NOTUM: variants seen among roughly 807,000 people sequenced by gnomAD.
NOTUM encodes palmitoleoyl-protein carboxylesterase NOTUM.
Under a neutral mutation model 65.5 loss-of-function variants are expected in NOTUM, and 36 were observed. That is an observed-to-expected ratio of 0.55 (90% confidence interval 0.42 to 0.73). NOTUM has a LOEUF of 0.73. Ranked by LOEUF, NOTUM falls within the 30% of genes least tolerant of loss-of-function variation. NOTUM has a pLI of 0.00. For missense variants in NOTUM, 659 were observed against 694.2 expected, an observed-to-expected ratio of 0.95 and a Z score of 0.57; for synonymous variants, 356 against 297.9, an observed-to-expected ratio of 1.20 and a Z score of -2.01.
At position 81,952,697 on chromosome 17, in the gene NOTUM, G is replaced by GGTCGC; in HGVS notation, c.*263_*264insGCGAC. On this transcript the variant is annotated 3_prime_UTR_variant, in exon 11 of 11. Transcript: ENST00000409678. The stretch of plus-strand genomic sequence containing the variant: ...GAGCTGGTGGACTGAGGAATCCAGT[G>GGTCGC]CTTCTCTTCTGGCTACCCCCTCGTT... 3.6e-6 allele frequency: 2 copies of GGTCGC among 550,924 alleles called. No homozygotes were observed. Among genetic ancestry groups the GGTCGC allele is most frequent in the Non-Finnish European group, 6.5e-6 (2 of 309,936 alleles). 34.1% of individuals were successfully genotyped at this position (550,924 alleles called of 1,614,324 possible).
chr17:81,959,117 G>A (rs575843038), intron 3 of NOTUM, 122 bp from the exon 4 acceptor site: 18 of 842,128 alleles, frequency 2.1e-5, no homozygotes, highest in Middle Eastern at 2.7e-4. Context: ...TGCTGGTGTT[G>A]CTAGCCCGAA....
intron 10 of NOTUM, among the ~76,000 whole-genome samples, chr17:81,953,810 A>C (rs1598366788): frequency 7.7e-5 from 10 of 129,424 alleles, no homozygotes; most frequent in Non-Finnish European, 1.1e-4. Flanking sequence ...ATGGAGTTTC[A>C]CTCTTGTTGC....
Position 81,956,624 on chromosome 17 carries a change from T to G in NOTUM, c.988+26A>C, listed in dbSNP as rs368557190. On this transcript the variant is annotated intron_variant, in intron 8 of 10. Coordinates refer to ENST00000409678, the MANE Select transcript of NOTUM (RefSeq NM_178493.6). Reference sequence around the variant, plus strand: ...AAGTGTGGCCACCCCTGCTGCCCTGTGTGCTCCGCTCTGCCGCCCACTCAC... The same window carrying G: ...AAGTGTGGCCACCCCTGCTGCCCTGGGTGCTCCGCTCTGCCGCCCACTCAC... The G allele has an allele frequency of 1.1e-5, 16 of 1,505,220 alleles. No homozygotes were observed. In the African/African-American group the frequency reaches 1.9e-4, roughly 18 times the overall value. 93.2% of individuals were successfully genotyped at this position (1,505,220 alleles called of 1,614,324 possible). A position where few individuals can be genotyped will look rare whatever the true frequency, so the allele number is the denominator to read the frequency against.
Position 81,960,814 on chromosome 17 carries a change from C to T in NOTUM, c.96G>A (p.Gln32=). The T allele has an allele frequency of 2.0e-6, 3 of 1,534,828 alleles. No individual in the cohort carries two copies. Among genetic ancestry groups the T allele is most frequent in the Non-Finnish European group, 2.6e-6 (3 of 1,142,608 alleles). ...CCTCGGTCCGCGGGGGAGGAGGCGG[C>T]TGCTGACCCCGGCGCCGCCAGGTCT... ...GRKTWRRRGQ[Q]PPPPPRTEAA... is the part of the protein sequence containing the mutation. Residue 32 remains glutamine, a synonymous_variant, in exon 1 of 11, where the codon CAG becomes CAA. Coordinates refer to ENST00000409678, the MANE Select transcript of NOTUM (RefSeq NM_178493.6). This position sits in a 1 kb window ranked among gnomAD's most constrained non-coding sequence, Gnocchi z 6.4.
At chr17:81,953,884 C>T (rs1002268202) in intron 10 of NOTUM, among the ~76,000 whole-genome samples, 4 of 151,644 alleles carry the variant, frequency 2.6e-5, no homozygotes, top group Non-Finnish European at 5.9e-5. Context: ...CAGGTTCAAG[C>T]GATTCTCCTG....
At chr17:81,955,585 G>A (rs753833314) in intron 8 of NOTUM, 41 bp from the exon 9 acceptor site, 25 of 748,486 alleles carry the variant, frequency 3.3e-5, no homozygotes, top group South Asian at 2.0e-4. Context: ...CCTGACCCCC[G>A]CTGCTGCCCC....
chr17:81,957,085 G>A lies in NOTUM; in HGVS notation c.696-11C>T. On this transcript the variant is annotated splice_polypyrimidine_tract_variant and intron_variant, in intron 6 of 10. Transcript: ENST00000409678. Reference sequence around the variant, plus strand: ...CCGGTGCCCCCCGCGCTGCAAGGAGGGCCAGACGTGAGGCCAGGTGGCTGG... The same window carrying A: ...CCGGTGCCCCCCGCGCTGCAAGGAGAGCCAGACGTGAGGCCAGGTGGCTGG... The A allele has an allele frequency of 1.3e-6, 2 of 1,589,118 alleles. No individual in the cohort carries two copies. Among genetic ancestry groups the A allele is most frequent in the Non-Finnish European group, 1.7e-6 (2 of 1,171,554 alleles).
Position 81,960,535 on chromosome 17 carries a change from C to A in NOTUM, c.323+52G>T. On this transcript the variant is annotated intron_variant, in intron 1 of 10. Coordinates refer to ENST00000409678, the MANE Select transcript of NOTUM (RefSeq NM_178493.6). This position sits in a 1 kb window ranked among gnomAD's most constrained non-coding sequence, Gnocchi z 6.4. ...CCGCGGCCCGCAGGGAAGGTCCAGC[C>A]GGAGACCGGGCGCGTCGGGCGGGGC... The A allele has an allele frequency of 7.7e-7, 1 of 1,300,048 alleles. No homozygotes were observed. Among genetic ancestry groups the A allele is most frequent in the Non-Finnish European group, 1.0e-6 (1 of 969,586 alleles). 80.5% of individuals were successfully genotyped at this position (1,300,048 alleles called of 1,614,324 possible).
chr17:81,954,019 C>T (rs1598366834), intron 10 of NOTUM, among the ~76,000 whole-genome samples: 1 of 152,002 alleles, frequency 6.6e-6, no homozygotes, highest in East Asian at 1.9e-4. Context: ...CTCAGGTGAT[C>T]CACCTGCCTC....
Position 81,960,920 on chromosome 17 carries a change from A to T in NOTUM, c.-11T>A. The T allele has an allele frequency of 8.2e-7, 1 of 1,224,322 alleles. No individual in the cohort carries two copies. Among genetic ancestry groups the T allele is most frequent in the South Asian group, 3.8e-5 (1 of 26,584 alleles). 75.8% of individuals were successfully genotyped at this position (1,224,322 alleles called of 1,614,324 possible). On this transcript the variant is annotated 5_prime_UTR_variant, in exon 1 of 11. Coordinates refer to ENST00000409678, the MANE Select transcript of NOTUM (RefSeq NM_178493.6). This position sits in a 1 kb window ranked among gnomAD's most constrained non-coding sequence, Gnocchi z 6.4. ...CACCCCTCGGCCCATGGCCGCGTCCACCTGCGGGGAGCGGGCGGCCTTGAG... is the reference window on the plus strand; with the variant it reads ...CACCCCTCGGCCCATGGCCGCGTCCTCCTGCGGGGAGCGGGCGGCCTTGAG...
rs144489765 is a variant in NOTUM, at chr17:81,955,490, T to C, written c.1043A>G (p.Asn348Ser). ...LFDEAQLTVDNVHLTGQPVQE... is the reference protein window; with the variant it reads ...LFDEAQLTVDSVHLTGQPVQE... ...CACCGGCTGCCCCGTCAGGTGCACG[T>C]TGTCCACCGTCAGCTGTGCCTCGTC... The change falls in exon 9 of 11, where the codon AAC becomes AGC. Residue 348 changes from asparagine to serine, a missense_variant. Physicochemically the swap from Asn to Ser is conservative, Grantham distance 46. Coordinates refer to ENST00000409678, the MANE Select transcript of NOTUM (RefSeq NM_178493.6). 34 of 1,610,736 alleles carry C rather than the reference T, an allele frequency of 2.1e-5. No homozygotes were observed. The highest frequency in any genetic ancestry group is 2.8e-5 in the Non-Finnish European group (33 of 1,178,868).
At position 81,956,740 on chromosome 17, in the gene NOTUM, C is replaced by A. The variant is rs199589875; in HGVS notation, c.898G>T (p.Gly300Trp). 6.2e-6 allele frequency: 10 copies of A among 1,612,490 alleles called. No homozygotes were observed. Among genetic ancestry groups the A allele is most frequent in the Non-Finnish European group, 2.5e-6 (3 of 1,179,664 alleles). Residue 300 changes from glycine to tryptophan, a missense_variant, in exon 8 of 11, where the codon GGG becomes TGG. Gly to Trp is a radical substitution (Grantham distance 184). Transcript: ENST00000409678. Reference sequence around the variant, plus strand: ...CGTCGGCAGCGCTCCGGGACCACCCCGTTCCAGTACCTGGAGCCACAGCCA... The same window carrying A: ...CGTCGGCAGCGCTCCGGGACCACCCAGTTCCAGTACCTGGAGCCACAGCCA... ...AIRRGIRYWNGVVPERCRRQF... is the reference protein window; with the variant it reads ...AIRRGIRYWNWVVPERCRRQF...
intron 8 of NOTUM, 35 bp from the exon 9 acceptor site, chr17:81,955,579 A>ACC: frequency 7.6e-7 from 1 of 1,317,608 alleles, no homozygotes; most frequent in Non-Finnish European, 1.1e-6. Context: ...GCCTCCCCTG[A>ACC]CCCCCGCTGC....
rs1167558174 is a variant in NOTUM at position 81,956,688 on chromosome 17, T to C, written c.950A>G (p.Asn317Ser). ...RRQFQEGEEW[N>S]CFFGYKVYPT... Reference sequence around the variant, plus strand: ...GTAGACCTTGTAGCCAAAGAAGCAGTTCCACTCCTCGCCCTCCTGGAACTG... The same window carrying C: ...GTAGACCTTGTAGCCAAAGAAGCAGCTCCACTCCTCGCCCTCCTGGAACTG... The change falls in exon 8 of 11, where the codon AAC (asparagine) becomes AGC (serine). Residue 317 changes from asparagine (N) to serine (S), a missense_variant. Asn to Ser is a conservative substitution (Grantham distance 46, BLOSUM62 1). Transcript: ENST00000409678. The C allele has an allele frequency of 6.2e-7, 1 of 1,612,868 alleles. No individual in the cohort carries two copies. Among genetic ancestry groups the C allele is most frequent in the Non-Finnish European group, 8.5e-7 (1 of 1,179,852 alleles).
chr17:81,954,953 CT>C (rs199555304), intron 9 of NOTUM, among the ~76,000 whole-genome samples: 21 of 45,544 alleles, frequency 4.6e-4, no homozygotes, highest in South Asian at 1.1e-3. Context: ...CTCTCTCTCT[CT>C]CTCTCCTCTC....
chr17:81,953,487 G>A (rs1468881186), intron 10 of NOTUM, among the ~76,000 whole-genome samples: 1 of 151,476 alleles, frequency 6.6e-6, no homozygotes, highest in Non-Finnish European at 1.5e-5. Context: ...AGTAGAGATG[G>A]GGTTTCACTA....
chr17:81,954,291 G>GT lies in NOTUM; in HGVS notation c.1148_1149insA (p.Ala385ArgfsTer6). The GT allele has an allele frequency of 6.2e-7, 1 of 1,613,108 alleles. No homozygotes were observed. Among genetic ancestry groups the GT allele is most frequent in the Non-Finnish European group, 8.5e-7 (1 of 1,179,120 alleles). ...TGATCTCATGGGAGAGGCAGGCGGG[G>GT]GCAAAGCTGGCCCTGTTGGAGAGGA... On this transcript the variant is annotated frameshift_variant, in exon 10 of 11. Transcript: ENST00000409678. LOFTEE classifies it high-confidence loss of function.
At position 81,958,982 on chromosome 17, in the gene NOTUM, C is replaced by T. The variant is rs778436926; in HGVS notation, c.486G>A (p.Leu162=). The change falls in exon 4 of 11, where the codon CTG becomes CTA. Residue 162 remains leucine (L), a synonymous_variant. Coordinates refer to ENST00000409678, the MANE Select transcript of NOTUM (RefSeq NM_178493.6). ...WPRTRTGTGI[L]SSQPEENPYW... is the part of the protein sequence containing the mutation. Reference sequence around the variant, plus strand: ...AGGGGTTCTCCTCCGGCTGTGAGGACAGGATCCCTGTGCCTGGGGACACAG... The same window carrying T: ...AGGGGTTCTCCTCCGGCTGTGAGGATAGGATCCCTGTGCCTGGGGACACAG... 6.2e-7 allele frequency: 1 copy of T among 1,613,118 alleles called. No individual in the cohort carries two copies. Among genetic ancestry groups the T allele is most frequent in the Non-Finnish European group, 8.5e-7 (1 of 1,179,790 alleles).
Position 81,952,854 on chromosome 17 carries a change from G to C in NOTUM, c.*107C>G. The C allele has an allele frequency of 2.0e-6, 2 of 1,006,504 alleles. No homozygotes were observed. Among genetic ancestry groups the C allele is most frequent in the Non-Finnish European group, 3.0e-6 (2 of 666,242 alleles). The allele number at this position is 1,006,504 out of a possible 1,614,324, so 62.3% of individuals were successfully genotyped here. ...AGACCCAGACAGGGGGGACGGCTGG[G>C]GCCCTGTCCCGAAGAGACGGGAGGG... On this transcript the variant is annotated 3_prime_UTR_variant, in exon 11 of 11. Transcript: ENST00000409678.
Sources: allele counts gnomAD v4.1 joint callset (sites outside exome capture counted in the v4.1 genomes callset), GRCh38; gene constraint gnomAD v4.1.1; non-coding constraint Gnocchi (gnomAD v3.1); transcripts MANE v1.5; gene names NCBI Gene and HGNC (gene_info 2026-07-23, HGNC 2026-07-21).